Variants in SIPA1L3 observed in about 807,000 individuals in gnomAD.
SIPA1L3 encodes signal induced proliferation associated 1 like 3.
A neutral mutation model predicts 150.1 loss-of-function variants in SIPA1L3; 59 were observed. That is an observed-to-expected ratio of 0.39 (90% confidence interval 0.32 to 0.49). The LOEUF is 0.49. Among genes scored for constraint, SIPA1L3 ranks in the 20% least tolerant of loss-of-function variants. The pLI is 0.86. For synonymous variants in SIPA1L3, 1,070 were observed against 1,077.6 expected, an observed-to-expected ratio of 0.99 and a Z score of 0.14; for missense variants, 2,211 against 2,489.5, an observed-to-expected ratio of 0.89 and a Z score of 2.38.
chr19:38,120,960 C>G lies in SIPA1L3; in HGVS notation c.2868+1078C>G, dbSNP rs146824007. Among the ~76,000 whole-genome samples the G allele has an allele frequency of 1.3e-3, 191 of 152,356 alleles. 1 individual carries two copies. The highest frequency in any genetic ancestry group is 4.3e-3 in the African/African-American group (178 of 41,588). On this transcript the variant is annotated intron_variant, in intron 9 of 21. Transcript: ENST00000222345. ...CAGAAGGCCTGGCTTCAAGTCCCAG[C>G]ACTGCCACTTACCAGCTGCATGACC...
chr19:38,027,592 T>C (rs1387396553), intron 1 of SIPA1L3, among the ~76,000 whole-genome samples: 1 of 152,086 alleles, frequency 6.6e-6, no homozygotes, highest in Non-Finnish European at 1.5e-5. Context: ...ACTGCCTTCA[T>C]TGACCATTGT....
At chr19:38,170,865 G>A (rs1375756719) in intron 15 of SIPA1L3, among the ~76,000 whole-genome samples, 1 of 152,074 alleles carries the variant, frequency 6.6e-6, no homozygotes, top group African/African-American at 2.4e-5. Context: ...GCGGGTGAAG[G>A]AGGAGAGGGG....
intron 2 of SIPA1L3, among the ~76,000 whole-genome samples, chr19:38,060,562 G>A (rs1170488987): frequency 6.6e-6 from 1 of 152,176 alleles, no homozygotes; most frequent in Non-Finnish European, 1.5e-5. Context: ...ATGCACAGAT[G>A]GCACACACCG....
intron 10 of SIPA1L3, among the ~76,000 whole-genome samples, chr19:38,132,531 C>G (rs1971334608): frequency 6.9e-6 from 1 of 144,730 alleles, no homozygotes; most frequent in Admixed American, 7.1e-5. Flanking sequence ...TTGCGGTGAG[C>G]TGAGATCGTG....
chr19:37,980,790 GC>G (rs1304297729), intron 1 of SIPA1L3, among the ~76,000 whole-genome samples: 2 of 152,194 alleles, frequency 1.3e-5, no homozygotes, highest in African/African-American at 4.8e-5. Flanking sequence ...CCAAGGAGAG[GC>G]CAAGAATGTC....
At chr19:38,109,167 T>C (rs1448550906) in intron 7 of SIPA1L3, among the ~76,000 whole-genome samples, 2 of 152,032 alleles carry the variant, frequency 1.3e-5, no homozygotes, top group African/African-American at 4.8e-5. Flanking sequence ...CTGGGTAGTT[T>C]ATAAAGAAAA....
intron 10 of SIPA1L3, among the ~76,000 whole-genome samples, chr19:38,135,685 C>T (rs995540685): frequency 3.5e-4 from 54 of 152,316 alleles, no homozygotes; most frequent in African/African-American, 1.1e-3. Context: ...AGGAGGAAGA[C>T]ATTCCCTCCT....
chr19:38,160,303 C>T (rs1172723864), intron 13 of SIPA1L3, among the ~76,000 whole-genome samples: 3 of 152,044 alleles, frequency 2.0e-5, no homozygotes, highest in Admixed American at 1.3e-4. Context: ...CATGAGCCAC[C>T]GCACCTGGCC....
chr19:38,126,540 T>C (rs1334073886), intron 9 of SIPA1L3, among the ~76,000 whole-genome samples: 4 of 149,988 alleles, frequency 2.7e-5, no homozygotes, highest in Non-Finnish European at 5.9e-5. Context: ...CCAAGACAAT[T>C]CTTTTTTTTT....
chr19:38,079,525 G>C (rs1202952822), intron 2 of SIPA1L3, among the ~76,000 whole-genome samples: 2 of 151,552 alleles, frequency 1.3e-5, no homozygotes, highest in Non-Finnish European at 2.9e-5. Context: ...AGGGTGATTT[G>C]GGAAGGTTTT....
intron 1 of SIPA1L3, among the ~76,000 whole-genome samples, chr19:37,983,693 C>T (rs373365353): frequency 6.6e-6 from 1 of 151,968 alleles, no homozygotes; most frequent in African/African-American, 2.4e-5. Flanking sequence ...ATTGCCTGAG[C>T]TTAGGAGTTC....
intron 13 of SIPA1L3, 126 bp from the exon 14 acceptor site, chr19:38,162,127 C>A: frequency 1.4e-6 from 1 of 726,884 alleles, no homozygotes; most frequent in African/African-American, 1.7e-5. Context: ...CTGAGTGTTG[C>A]ACTCCAAGGT....
rs554921031 is a variant in SIPA1L3 at position 37,947,255 on chromosome 19, C to T, written c.-379+39897C>T. On this transcript the variant is annotated intron_variant, in intron 1 of 21. Transcript: ENST00000222345. ...CTGTAATCCCAGCACTTTGGGAGGC[C>T]GAGGCGGGCGGATCACAAGGTCAGG... Among the ~76,000 whole-genome samples the T allele has an allele frequency of 7.7e-4, 117 of 151,344 alleles. 1 individual carries two copies. The highest frequency in any genetic ancestry group is 1.1e-3 in the Non-Finnish European group (77 of 67,902).
intron 10 of SIPA1L3, among the ~76,000 whole-genome samples, chr19:38,136,190 A>T (rs1971432119): frequency 6.7e-6 from 1 of 149,028 alleles, no homozygotes; most frequent in African/African-American, 2.5e-5. Flanking sequence ...TCTCAAAAAA[A>T]AAAAAAAAAA....
chr19:38,203,996 A>G lies in SIPA1L3; in HGVS notation c.5121-131A>G. 1.2e-5 allele frequency: 8 copies of G among 683,124 alleles called. No homozygotes were observed. In the South Asian group the frequency reaches 1.3e-4, roughly 11 times the overall value. The allele number at this position is 683,124 out of a possible 1,614,324, so 42.3% of individuals were successfully genotyped here. ...GGGCTGGCTTCCTGCTTCCCCTCAG[A>G]GCTTCTCCTCAGGCTTTGCTAGAAT... On this transcript the variant is annotated intron_variant, in intron 20 of 21. Transcript: ENST00000222345.
At position 38,167,231 on chromosome 19, in the gene SIPA1L3, C is replaced by CAAAAAAAAAAAAA. The variant is rs370193698; in HGVS notation, c.4208+2330_4208+2342dup. ...CTGGCAACAGAGCGAGATTCCATCT[C>CAAAAAAAAAAAAA]AAAAAAAAAAAAAAAAAGGTGAAGC... On this transcript the variant is annotated intron_variant, in intron 15 of 21. Transcript: ENST00000222345. Among the ~76,000 whole-genome samples, 80 of 87,330 alleles carry CAAAAAAAAAAAAA rather than the reference C, an allele frequency of 9.2e-4. 4 individuals are homozygous for CAAAAAAAAAAAAA. The highest frequency in any genetic ancestry group is 0.015 in the Middle Eastern group (2 of 132). The allele number at this position is 87,330 out of a possible 152,430, so 57.3% of individuals were successfully genotyped here.
At chr19:38,036,735 G>A (rs1390982030) in intron 2 of SIPA1L3, among the ~76,000 whole-genome samples, 1 of 152,170 alleles carries the variant, frequency 6.6e-6, no homozygotes, top group Non-Finnish European at 1.5e-5. Context: ...CACAACAGAT[G>A]TCCATTTCTT....
At position 38,193,666 on chromosome 19, in the gene SIPA1L3, A is replaced by G; in HGVS notation, c.4726A>G (p.Thr1576Ala). The G allele has an allele frequency of 6.3e-7, 1 of 1,580,492 alleles. No individual in the cohort carries two copies. The highest frequency in any genetic ancestry group is 1.4e-5 in the African/African-American group (1 of 73,936). Reference protein sequence around the residue: ...GLPSDVLFTSTCAFPSSTLPA... With the variant: ...GLPSDVLFTSACAFPSSTLPA... ...GCCCAGCGACGTGCTCTTCACCAGC[A>G]CCTGCGCCTTCCCGTCCAGCACGCT... Residue 1576 changes from threonine (T) to alanine (A), a missense_variant, in exon 18 of 22, where the codon ACC becomes GCC. Thr to Ala is a moderately conservative substitution (Grantham distance 58). Around this residue, in one of 5 missense-constraint regions of SIPA1L3, gnomAD observed 806 missense variants for 870.1 expected, o/e 0.93. Transcript: ENST00000222345.
intron 15 of SIPA1L3, among the ~76,000 whole-genome samples, chr19:38,167,712 G>A (rs980852296): frequency 6.6e-6 from 1 of 152,060 alleles, no homozygotes; most frequent in African/African-American, 2.4e-5. Context: ...ACAGGTGTGT[G>A]CCCCCATGCC....
Sources: allele counts gnomAD v4.1 joint callset (sites outside exome capture counted in the v4.1 genomes callset), GRCh38; gene constraint gnomAD v4.1.1; regional missense constraint gnomAD v4.1.1; transcripts MANE v1.5; gene names NCBI Gene and HGNC (gene_info 2026-07-23, HGNC 2026-07-21).